Variants in GALNT17 observed in about 807,000 individuals in gnomAD.
The protein encoded by GALNT17 is polypeptide N-acetylgalactosaminyltransferase 17.
A neutral mutation model predicts 63.7 loss-of-function variants in GALNT17; 29 were observed. The observed-to-expected ratio is 0.46, with a 90% CI of 0.34 to 0.62. The LOEUF is 0.62. Among genes scored for constraint, GALNT17 ranks in the 20% least tolerant of loss-of-function variants. GALNT17 has a pLI of 0.01. For missense variants in GALNT17, 603 were observed against 799.6 expected (o/e 0.75, Z 2.97); for synonymous variants, 305 against 318.3 (o/e 0.96, Z 0.45).
chr7:71,708,800 G>A (rs1365316112), intron 9 of GALNT17, among the ~76,000 whole-genome samples: 3 of 152,148 alleles, frequency 2.0e-5, no homozygotes, highest in Non-Finnish European at 4.4e-5. Flanking sequence ...TCACAAGTGA[G>A]AACATACAGT....
At chr7:71,529,429 A>C (rs1788678443) in intron 5 of GALNT17, among the ~76,000 whole-genome samples, 1 of 152,234 alleles carries the variant, frequency 6.6e-6, no homozygotes, top group Admixed American at 6.5e-5. Context: ...GTAAAAAAAA[A>C]TCGAAGAGAC....
At chr7:71,237,236 G>A (rs1449712239) in intron 1 of GALNT17, among the ~76,000 whole-genome samples, 1 of 152,096 alleles carries the variant, frequency 6.6e-6, no homozygotes, top group Non-Finnish European at 1.5e-5. Flanking sequence ...CGGCAAGTTC[G>A]GGGGAGTAGC....
At chr7:71,298,090 G>A (rs6961808) in intron 1 of GALNT17, among the ~76,000 whole-genome samples, 28,134 of 152,132 alleles carry the variant, frequency 0.18, 2,832 homozygotes, top group East Asian at 0.33. Context: ...GCACAATCTT[G>A]GCTTACTGCA....
intron 2 of GALNT17, among the ~76,000 whole-genome samples, chr7:71,336,639 C>T (rs1439969211): frequency 1.3e-5 from 2 of 152,266 alleles, no homozygotes; most frequent in Middle Eastern, 3.4e-3. Flanking sequence ...CAATGGCCTC[C>T]AACTCCAGGT....
At chr7:71,630,846 T>A (rs1790444229) in intron 6 of GALNT17, among the ~76,000 whole-genome samples, 1 of 152,194 alleles carries the variant, frequency 6.6e-6, no homozygotes, top group Non-Finnish European at 1.5e-5. Flanking sequence ...CATTTCAGAT[T>A]TAAAGAAAAT....
intron 9 of GALNT17, among the ~76,000 whole-genome samples, chr7:71,695,327 C>T (rs1791523719): frequency 6.6e-6 from 1 of 152,190 alleles, no homozygotes; most frequent in Non-Finnish European, 1.5e-5. Context: ...TATCCCCATT[C>T]ATTCCAAGTA....
At chr7:71,555,601 C>T (rs184154950) in intron 5 of GALNT17, among the ~76,000 whole-genome samples, 1 of 152,124 alleles carries the variant, frequency 6.6e-6, no homozygotes, top group East Asian at 1.9e-4. Flanking sequence ...TTATATCAGC[C>T]TTTTTTGGCA....
chr7:71,233,199 G>A (rs1230402442), intron 1 of GALNT17, among the ~76,000 whole-genome samples: 1 of 152,178 alleles, frequency 6.6e-6, no homozygotes, highest in African/African-American at 2.4e-5. Context: ...CTTTCCAAGT[G>A]TGGAGTCTAT....
intron 1 of GALNT17, among the ~76,000 whole-genome samples, chr7:71,195,583 T>C (rs1789033426): frequency 6.6e-6 from 1 of 151,908 alleles, no homozygotes; most frequent in Admixed American, 6.6e-5. Flanking sequence ...GATCTCACTC[T>C]GTCACCCAGA....
At chr7:71,377,114 A>AAAAAAAATATATATATATAT in intron 2 of GALNT17, among the ~76,000 whole-genome samples, 9 of 57,462 alleles carry the variant, frequency 1.6e-4, no homozygotes, top group African/African-American at 3.7e-4. Flanking sequence ...AAATAAAAAA[A>AAAAAAAATATATATATATAT]ATATATATAT....
Position 71,478,502 on chromosome 7 carries a change from A to G in GALNT17, c.962+57397A>G, listed in dbSNP as rs116330290. The stretch of plus-strand genomic sequence containing the variant: ...CTAATTTTTGAATTTTTCTATAGCA[A>G]TGGGGTCTCCCTATGGTTGCCCAAG... On this transcript the variant is annotated intron_variant, in intron 5 of 10. Transcript: ENST00000333538. 3.9e-3 allele frequency among the ~76,000 whole-genome samples: 590 copies of G among 152,074 alleles called. 3 individuals are homozygous for G. Among genetic ancestry groups the G allele is most frequent in the African/African-American group, 0.013 (551 of 41,490 alleles).
chr7:71,261,055 G>A (rs934316980), intron 1 of GALNT17, among the ~76,000 whole-genome samples: 1 of 152,184 alleles, frequency 6.6e-6, no homozygotes, highest in East Asian at 1.9e-4. Context: ...TCCCCTATGT[G>A]TGCACTTTGG....
intron 1 of GALNT17, among the ~76,000 whole-genome samples, chr7:71,226,221 G>A (rs1789677589): frequency 6.6e-6 from 1 of 152,182 alleles, no homozygotes; most frequent in African/African-American, 2.4e-5. Flanking sequence ...AGTGAGTAGG[G>A]CGCTTCTTTA....
chr7:71,221,233 T>G (rs896363685), intron 1 of GALNT17, among the ~76,000 whole-genome samples: 1 of 152,164 alleles, frequency 6.6e-6, no homozygotes, highest in Non-Finnish European at 1.5e-5. Context: ...AGAGCAGCAT[T>G]CTATCCATGT....
At chr7:71,337,729 GCGGTGGCAGGCTCCTA>G (rs1563014480) in intron 2 of GALNT17, among the ~76,000 whole-genome samples, 2 of 151,826 alleles carry the variant, frequency 1.3e-5, no homozygotes, top group African/African-American at 4.8e-5. Flanking sequence ...TTGGCTGGGC[GCGGTGGCAGGCTCCTA>G]TAATCCCAGC....
At chr7:71,442,882 T>G (rs941567070) in intron 5 of GALNT17, among the ~76,000 whole-genome samples, 3 of 152,170 alleles carry the variant, frequency 2.0e-5, no homozygotes, top group African/African-American at 7.2e-5. Flanking sequence ...CTTGGTAGGA[T>G]GCCCCAGTCA....
chr7:71,132,902 C>T lies in GALNT17; in HGVS notation c.100C>T (p.Arg34Cys). The T allele has an allele frequency of 1.9e-6, 3 of 1,612,690 alleles. No individual in the cohort carries two copies. The highest frequency in any genetic ancestry group is 2.2e-5 in the South Asian group (2 of 91,018). The stretch of plus-strand genomic sequence containing the variant: ...GGCCAAGTGCCGGCCCATCGCGGTG[C>T]GCAGCGGAGACGCCTTCCACGAGAT... ...FLAKCRPIAV[R>C]SGDAFHEIRP... The change falls in exon 1 of 11, where the codon CGC becomes TGC. Residue 34 changes from arginine to cysteine, a missense_variant. By Grantham distance (180) the Arg-to-Cys change is radical. Coordinates refer to ENST00000333538, the MANE Select transcript of GALNT17 (RefSeq NM_022479.3).
intron 1 of GALNT17, among the ~76,000 whole-genome samples, chr7:71,135,724 C>G (rs114297953): frequency 0.018 from 2,807 of 152,294 alleles, 82 homozygotes; most frequent in African/African-American, 0.061. Flanking sequence ...CTGCCTACAT[C>G]AAGCAGAGTA....
At chr7:71,211,700 G>T (rs1024264954) in intron 1 of GALNT17, among the ~76,000 whole-genome samples, 10 of 152,192 alleles carry the variant, frequency 6.6e-5, no homozygotes, top group African/African-American at 2.4e-4. Flanking sequence ...GGTCCAGGCT[G>T]AGGTGGTCTC....
Sources: gnomAD v4.1 joint callset for allele counts (sites outside exome capture counted in the v4.1 genomes callset) on GRCh38, gnomAD v4.1.1 for gene constraint, MANE v1.5 for transcripts, NCBI Gene and HGNC (gene_info 2026-07-23, HGNC 2026-07-21) for gene names.